Variants in CHLSN observed in about 807,000 individuals in gnomAD.
CHLSN encodes protein cholesin.
the CHLSN span, among the ~76,000 whole-genome samples, chr7:1,033,740 A>G: frequency 8.7e-3 from 1,328 of 152,152 alleles, 18 homozygotes; most frequent in African/African-American, 0.03. Flanking sequence ...ACACCCAGGA[A>G]ATCGGTAACG....
the CHLSN span, among the ~76,000 whole-genome samples, chr7:1,011,441 C>CA: frequency 8.2e-6 from 1 of 121,852 alleles, no homozygotes; most frequent in Non-Finnish European, 1.7e-5. Flanking sequence ...ACCCACACAC[C>CA]CAAACACGCC....
chr7:1,114,113 C>T, the CHLSN span, among the ~76,000 whole-genome samples: 13 of 152,362 alleles, frequency 8.5e-5, no homozygotes, highest in African/African-American at 1.4e-4. Flanking sequence ...AGCAAGGACA[C>T]GGCCCTGATC....
chr7:1,064,752 C>T, the CHLSN span, among the ~76,000 whole-genome samples: 25 of 152,270 alleles, frequency 1.6e-4, no homozygotes, highest in Middle Eastern at 0.01. Context: ...CCCTGGGGGA[C>T]GCCCCATGGA....
At chr7:1,126,180 G>A in the CHLSN span, among the ~76,000 whole-genome samples, 1 of 151,524 alleles carries the variant, frequency 6.6e-6, no homozygotes. Flanking sequence ...CTAACATGGT[G>A]AAACCCCGTC....
the CHLSN span, chr7:987,091 C>G: frequency 4.0e-6 from 6 of 1,514,238 alleles, no homozygotes; most frequent in Non-Finnish European, 5.3e-6. Flanking sequence ...ACGAGCCCTG[C>G]CCCACGCCTC....
the CHLSN span, among the ~76,000 whole-genome samples, chr7:1,125,814 G>A: frequency 1.3e-5 from 2 of 152,208 alleles, no homozygotes; most frequent in African/African-American, 4.8e-5. Context: ...GGGTGACAAT[G>A]CTCTTACCAC....
At chr7:1,061,909 C>T in the CHLSN span, among the ~76,000 whole-genome samples, 1 of 151,946 alleles carries the variant, frequency 6.6e-6, no homozygotes, top group Non-Finnish European at 1.5e-5. Flanking sequence ...ATCTCCCCAA[C>T]TCCCCAATTC....
the CHLSN span, chr7:1,138,130 C>T: frequency 6.6e-6 from 1 of 151,392 alleles, no homozygotes; most frequent in East Asian, 1.9e-4. Context: ...CGCCCCGGGG[C>T]TCTGGGTCTC....
At chr7:1,064,917 C>A in the CHLSN span, among the ~76,000 whole-genome samples, 8 of 152,224 alleles carry the variant, frequency 5.3e-5, no homozygotes, top group African/African-American at 1.4e-4. Context: ...CGAGCAGCAT[C>A]CGATTCTTTT....
the CHLSN span, among the ~76,000 whole-genome samples, chr7:1,113,387 C>T: frequency 2.0e-5 from 3 of 152,216 alleles, no homozygotes; most frequent in African/African-American, 4.8e-5. Flanking sequence ...AGGCGCCGCC[C>T]GGGCAGCAGC....
chr7:1,005,678 G>A, the CHLSN span, among the ~76,000 whole-genome samples: 22 of 152,344 alleles, frequency 1.4e-4, no homozygotes, highest in South Asian at 2.1e-3. Flanking sequence ...CGGAGGCCAC[G>A]GGGTGCAAGG....
At chr7:1,129,618 A>C in the CHLSN span, among the ~76,000 whole-genome samples, 1 of 152,106 alleles carries the variant, frequency 6.6e-6, no homozygotes, top group South Asian at 2.1e-4. Flanking sequence ...GCTCACTTAA[A>C]TCTTCTGTAG....
chr7:1,041,390 TGGGGTCCGCGCTGCGG>T, the CHLSN span, among the ~76,000 whole-genome samples: 1 of 126,140 alleles, frequency 7.9e-6, no homozygotes, highest in African/African-American at 2.8e-5. Context: ...GAACGGGACC[TGGGGTCCGCGCTGCGG>T]GGAACGGGAC....
the CHLSN span, among the ~76,000 whole-genome samples, chr7:1,099,573 G>A: frequency 2.0e-5 from 3 of 152,246 alleles, no homozygotes; most frequent in South Asian, 6.2e-4. Flanking sequence ...TACCTGGAGT[G>A]TCTTTGGATG....
chr7:985,639 C>T, the CHLSN span, among the ~76,000 whole-genome samples: 1 of 152,170 alleles, frequency 6.6e-6, no homozygotes, highest in Non-Finnish European at 1.5e-5. Flanking sequence ...GGCTCCATGT[C>T]TGCCCCCCAA....
the CHLSN span, among the ~76,000 whole-genome samples, chr7:1,002,173 AGGTGGGGAGTCCTGTG>A: frequency 8.6e-5 from 2 of 23,126 alleles, no homozygotes; most frequent in South Asian, 1.8e-3. Flanking sequence ...GGAGTCCTGC[AGGTGGGGAGTCCTGTG>A]GGTGGGGAGT....
chr7:1,135,351 ATAGT>A, the CHLSN span, among the ~76,000 whole-genome samples: 1 of 152,074 alleles, frequency 6.6e-6, no homozygotes, highest in South Asian at 2.1e-4. Flanking sequence ...GTATATACAT[ATAGT>A]TATATATATA....
chr7:1,126,806 C>G, the CHLSN span, among the ~76,000 whole-genome samples: 4 of 152,288 alleles, frequency 2.6e-5, no homozygotes, highest in South Asian at 8.3e-4. Context: ...GAAAGTGATA[C>G]CAATAGGTGA....
At chr7:1,126,381 A>AG in the CHLSN span, among the ~76,000 whole-genome samples, 1 of 146,580 alleles carries the variant, frequency 6.8e-6, no homozygotes, top group African/African-American at 2.5e-5. Context: ...AAAAAAAAAA[A>AG]AAGAATAAAA....
Sources: gnomAD v4.1 joint callset for allele counts (sites outside exome capture counted in the v4.1 genomes callset) on GRCh38, gnomAD v4.1.1 for gene constraint, MANE v1.5 for transcripts, NCBI Gene and HGNC (gene_info 2026-07-23, HGNC 2026-07-21) for gene names.